Variants in CDH7 observed in about 807,000 individuals in gnomAD.
CDH7 encodes the protein cadherin 7.
CDH7 carries 25 observed loss-of-function variants against 71.8 expected under a neutral mutation model. The observed-to-expected ratio is 0.35, with a 90% CI of 0.25 to 0.49. The LOEUF is 0.49. Ranked by LOEUF, CDH7 falls within the 20% of genes least tolerant of loss-of-function variation. The pLI, the probability that CDH7 is intolerant of heterozygous loss-of-function variation, is 0.99. For synonymous variants in CDH7, 381 were observed against 363.8 expected, an observed-to-expected ratio of 1.05 and a Z score of -0.54; for missense variants, 862 against 974.6, an observed-to-expected ratio of 0.88 and a Z score of 1.54.
At position 65,888,493 on chromosome 18, in the gene CDH7, C is replaced by A. The variant is rs562936807; in HGVS notation, c.*7599C>A. 3 of 152,194 alleles carry A rather than the reference C, an allele frequency of 2.0e-5. No individual in the cohort carries two copies. Among genetic ancestry groups the A allele is most frequent in the African/African-American group, 7.2e-5 (3 of 41,534 alleles). 9.4% of individuals were successfully genotyped at this position (152,194 alleles called of 1,614,324 possible). ...CGCCATCCTGGTTTCCAGCTTATAC[C>A]TCCTGACAACTCGGTACAGAAAATG... On this transcript the variant is annotated 3_prime_UTR_variant, in exon 12 of 12. Transcript: ENST00000397968.
intron 2 of CDH7, among the ~76,000 whole-genome samples, chr18:65,785,116 C>T (rs1910464522): frequency 6.6e-6 from 1 of 151,970 alleles, no homozygotes; most frequent in Admixed American, 6.6e-5. Context: ...CTTGCAAAGC[C>T]GTACATTTAA....
intron 7 of CDH7, among the ~76,000 whole-genome samples, chr18:65,856,062 G>C (rs1913344513): frequency 6.6e-6 from 1 of 152,076 alleles, no homozygotes; most frequent in Non-Finnish European, 1.5e-5. Context: ...GTTGTGGAGA[G>C]GAGTCCATTT....
At chr18:65,811,205 C>A (rs906727474) in intron 3 of CDH7, among the ~76,000 whole-genome samples, 2 of 147,754 alleles carry the variant, frequency 1.4e-5, no homozygotes, top group Non-Finnish European at 3.0e-5. Flanking sequence ...AAAAAAAGGT[C>A]ATTTCATTCA....
At chr18:65,869,224 C>CTTTT (rs11339895) in intron 11 of CDH7, among the ~76,000 whole-genome samples, 1 of 149,436 alleles carries the variant, frequency 6.7e-6, no homozygotes, top group African/African-American at 2.5e-5. Context: ...TGTCCAGGGT[C>CTTTT]TTTTTTTTTT....
chr18:65,758,568 C>G (rs1916099995), intron 1 of CDH7, among the ~76,000 whole-genome samples: 1 of 152,064 alleles, frequency 6.6e-6, no homozygotes, highest in Non-Finnish European at 1.5e-5. Flanking sequence ...ACACTTATCT[C>G]AAAAAAGAAA....
intron 7 of CDH7, among the ~76,000 whole-genome samples, chr18:65,857,317 TATAATA>T (rs4047847): frequency 0.47 from 61,768 of 131,478 alleles, 14,779 homozygotes; most frequent in Non-Finnish European, 0.53. Flanking sequence ...ACCCTGCATC[TATAATA>T]ATAATAATAA....
chr18:65,793,686 C>T (rs898622063), intron 2 of CDH7, among the ~76,000 whole-genome samples: 3 of 152,050 alleles, frequency 2.0e-5, no homozygotes, highest in Non-Finnish European at 4.4e-5. Flanking sequence ...GCAAAGGAGA[C>T]TTGATTTTGT....
intron 11 of CDH7, among the ~76,000 whole-genome samples, chr18:65,875,720 G>A (rs1914054686): frequency 6.6e-6 from 1 of 152,034 alleles, no homozygotes; most frequent in Non-Finnish European, 1.5e-5. Flanking sequence ...AAACTCCATT[G>A]AGCTCAAGGA....
At chr18:65,831,007 T>G (rs1599036404) in intron 6 of CDH7, among the ~76,000 whole-genome samples, 1 of 152,246 alleles carries the variant, frequency 6.6e-6, no homozygotes, top group Middle Eastern at 3.4e-3. Context: ...TATATATTTT[T>G]ATTATTCCAG....
At chr18:65,841,741 T>C (rs980906230) in intron 6 of CDH7, among the ~76,000 whole-genome samples, 1 of 152,130 alleles carries the variant, frequency 6.6e-6, no homozygotes, top group Non-Finnish European at 1.5e-5. Context: ...ACGAGCCTTC[T>C]AAAAATATAT....
chr18:65,762,622 C>G, intron 1 of CDH7, 25 bp from the exon 2 acceptor site: 1 of 409,816 alleles, frequency 2.4e-6, no homozygotes, highest in Non-Finnish European at 4.3e-6. Context: ...GTTCCTGACA[C>G]CAGCTCTTCT....
rs560259917 is a variant in CDH7, at chr18:65,879,465, C to G, written c.1865-936C>G. On this transcript the variant is annotated intron_variant, in intron 11 of 11. Coordinates refer to ENST00000397968, the MANE Select transcript of CDH7 (RefSeq NM_004361.5). The stretch of plus-strand genomic sequence containing the variant: ...TTACATATTTTTAAATTCCAAAATT[C>G]AACAATACTCTTTTTATTTCATTGT... 1.2e-4 allele frequency among the ~76,000 whole-genome samples: 19 copies of G among 152,178 alleles called. 1 individual carries two copies. The South Asian group carries it at 3.9e-3, about 32-fold the overall frequency.
intron 8 of CDH7, 89 bp from the exon 9 acceptor site, chr18:65,858,836 G>A: frequency 7.6e-7 from 1 of 1,312,536 alleles, no homozygotes; most frequent in South Asian, 1.3e-5. Flanking sequence ...TATGATTCTA[G>A]ATTTCATTCT....
chr18:65,783,955 T>G (rs1910412594), intron 2 of CDH7, among the ~76,000 whole-genome samples: 1 of 151,856 alleles, frequency 6.6e-6, no homozygotes, highest in Admixed American at 6.6e-5. Context: ...TTTATTTTAT[T>G]TATTTATTTA....
chr18:65,827,559 G>A (rs538246960), intron 6 of CDH7, among the ~76,000 whole-genome samples: 1 of 151,960 alleles, frequency 6.6e-6, no homozygotes. Flanking sequence ...ATCATTTTGA[G>A]CCTAAACACA....
chr18:65,797,854 C>T (rs552394112), intron 2 of CDH7, among the ~76,000 whole-genome samples: 7 of 152,148 alleles, frequency 4.6e-5, no homozygotes, highest in South Asian at 2.1e-4. Context: ...AATGGAAGAA[C>T]ATTTACCTCA....
chr18:65,773,806 G>T (rs1178138791), intron 2 of CDH7, among the ~76,000 whole-genome samples: 1 of 151,972 alleles, frequency 6.6e-6, no homozygotes, highest in Admixed American at 6.6e-5. Flanking sequence ...TGCATGTATG[G>T]GACGCTTATG....
intron 11 of CDH7, among the ~76,000 whole-genome samples, chr18:65,867,269 T>G (rs1913793000): frequency 6.6e-6 from 1 of 152,070 alleles, no homozygotes; most frequent in Non-Finnish European, 1.5e-5. Context: ...TCTCCTGACC[T>G]CGTGATCCAC....
upstream of CDH7, chr18:65,750,869 G>C (rs1185211679): frequency 1.3e-5 from 2 of 152,254 alleles, no homozygotes; most frequent in Admixed American, 6.5e-5. Flanking sequence ...GGGCGAGCCG[G>C]AGGGGCCCCT....
Sources: allele counts gnomAD v4.1 joint callset (sites outside exome capture counted in the v4.1 genomes callset), GRCh38; gene constraint gnomAD v4.1.1; transcripts MANE v1.5; gene names NCBI Gene and HGNC (gene_info 2026-07-23, HGNC 2026-07-21).